Variants in CTNNA3 observed in about 807,000 individuals in gnomAD.
CTNNA3 encodes the protein catenin alpha-3.
Under a neutral mutation model 95.7 loss-of-function variants are expected in CTNNA3, and 76 were observed. The ratio of observed to expected loss-of-function variants is 0.79; its 90% CI spans 0.66 to 0.96. CTNNA3 has a LOEUF of 0.96. Ranked by LOEUF, CTNNA3 falls within the 40% of genes least tolerant of loss-of-function variation. CTNNA3 has a pLI of 0.00. For missense variants in CTNNA3, 1,191 were observed against 1,089.8 expected (o/e 1.09, Z -1.31); for synonymous variants, 431 against 374.4 (o/e 1.15, Z -1.74).
At chr10:67,088,754 CA>C (rs938853982) in intron 7 of CTNNA3, among the ~76,000 whole-genome samples, 1 of 151,786 alleles carries the variant, frequency 6.6e-6, no homozygotes, top group Non-Finnish European at 1.5e-5. Context: ...TATGTTCCTG[CA>C]AAAAATATTT....
At chr10:67,289,407 G>T (rs1337188529) in intron 5 of CTNNA3, among the ~76,000 whole-genome samples, 2 of 152,136 alleles carry the variant, frequency 1.3e-5, no homozygotes, top group Non-Finnish European at 2.9e-5. Context: ...ATTAAAAGAG[G>T]TATCATTTTT....
chr10:66,379,494 T>A (rs1043745480), intron 11 of CTNNA3, 142 bp from the exon 12 acceptor site: 17 of 715,750 alleles, frequency 2.4e-5, no homozygotes, highest in Non-Finnish European at 3.6e-5. Context: ...TATAAAAAAA[T>A]TGGAGACATA....
chr10:66,822,008 T>C (rs1019202002), intron 7 of CTNNA3, among the ~76,000 whole-genome samples: 1 of 151,540 alleles, frequency 6.6e-6, no homozygotes, highest in East Asian at 1.9e-4. Flanking sequence ...TTCCATACTA[T>C]GTAATTAACA....
At chr10:66,693,312 T>C (rs981637830) in intron 9 of CTNNA3, among the ~76,000 whole-genome samples, 15 of 146,762 alleles carry the variant, frequency 1.0e-4, no homozygotes, top group Non-Finnish European at 1.9e-4. Context: ...GTTGCAATCC[T>C]AGTCTCTGAT....
intron 12 of CTNNA3, among the ~76,000 whole-genome samples, chr10:66,362,540 A>C (rs1407453155): frequency 1.3e-5 from 2 of 151,818 alleles, no homozygotes; most frequent in Admixed American, 6.6e-5. Flanking sequence ...CTGAAACCCT[A>C]TCTCTACTAA....
At chr10:67,748,289 A>G (rs1438550406) in intron 1 of CTNNA3, among the ~76,000 whole-genome samples, 2 of 152,152 alleles carry the variant, frequency 1.3e-5, no homozygotes, top group African/African-American at 4.8e-5. Context: ...GATCACCCCA[A>G]GAAACATAAC....
intron 5 of CTNNA3, among the ~76,000 whole-genome samples, chr10:67,231,080 C>T (rs999153363): frequency 5.9e-5 from 9 of 152,198 alleles, no homozygotes; most frequent in South Asian, 2.1e-4. Flanking sequence ...AACTGCAAGG[C>T]GGCAGCGAGG....
intron 11 of CTNNA3, among the ~76,000 whole-genome samples, chr10:66,452,825 A>G (rs1418927111): frequency 6.6e-6 from 1 of 152,060 alleles, no homozygotes; most frequent in Non-Finnish European, 1.5e-5. Flanking sequence ...GACTCCATGC[A>G]AGAAGATAAG....
At chr10:66,445,928 A>C (rs1484679898) in intron 11 of CTNNA3, among the ~76,000 whole-genome samples, 1 of 152,138 alleles carries the variant, frequency 6.6e-6, no homozygotes, top group Non-Finnish European at 1.5e-5. Context: ...GACCGCTATC[A>C]AGGCTAAGAA....
rs1463563772 is a variant in CTNNA3 at position 66,749,691 on chromosome 10, G to A, written c.1281+16573C>T. ...TGAACATCCATGTGGAGGTTCTAGT[G>A]TGGACATAAGTTTTCAAATCCCTTG... On this transcript the variant is annotated intron_variant, in intron 9 of 17. Coordinates refer to ENST00000433211, the MANE Select transcript of CTNNA3 (RefSeq NM_013266.4). Among the ~76,000 whole-genome samples, 3 of 152,200 alleles carry A rather than the reference G, an allele frequency of 2.0e-5. No individual in the cohort carries two copies. The East Asian group carries it at 5.8e-4, about 29-fold the overall frequency.
At chr10:66,398,441 G>T (rs1385167779) in intron 11 of CTNNA3, among the ~76,000 whole-genome samples, 1 of 150,174 alleles carries the variant, frequency 6.7e-6, no homozygotes, top group Non-Finnish European at 1.5e-5. Context: ...TGTATCTATG[G>T]TATTGTATTT....
At chr10:66,292,581 TGC>T (rs1491123388) in intron 12 of CTNNA3, among the ~76,000 whole-genome samples, 14 of 152,148 alleles carry the variant, frequency 9.2e-5, no homozygotes, top group African/African-American at 2.9e-4. Context: ...GCCTCAATAG[TGC>T]ACACACAGTA....
At chr10:67,627,954 A>T (rs1839012280) in intron 2 of CTNNA3, among the ~76,000 whole-genome samples, 1 of 151,884 alleles carries the variant, frequency 6.6e-6, no homozygotes, top group Non-Finnish European at 1.5e-5. Context: ...AGAAAAAGCA[A>T]TTTCATATAG....
At chr10:66,543,898 GAT>G (rs1491413360) in intron 10 of CTNNA3, among the ~76,000 whole-genome samples, 2 of 5,262 alleles carry the variant, frequency 3.8e-4, no homozygotes, top group Non-Finnish European at 2.2e-3. Context: ...TCCTTCTTGA[GAT>G]GTGTGTGTGT....
intron 15 of CTNNA3, among the ~76,000 whole-genome samples, chr10:66,047,000 C>A (rs2079842311): frequency 6.6e-6 from 1 of 151,860 alleles, no homozygotes; most frequent in Non-Finnish European, 1.5e-5. Context: ...GCCTACCAAC[C>A]AAAAAAAGCC....
chr10:67,127,044 G>A (rs752081258), intron 7 of CTNNA3, among the ~76,000 whole-genome samples: 18 of 152,112 alleles, frequency 1.2e-4, no homozygotes, highest in Non-Finnish European at 2.1e-4. Context: ...GACAACTCAA[G>A]TGAGTAAACA....
intron 13 of CTNNA3, among the ~76,000 whole-genome samples, chr10:66,146,002 C>T (rs1273992128): frequency 3.9e-5 from 6 of 152,124 alleles, no homozygotes; most frequent in East Asian, 3.9e-4. Context: ...TATAGGCACG[C>T]GCCACCAAGC....
At chr10:67,563,477 A>G (rs893218708) in intron 3 of CTNNA3, among the ~76,000 whole-genome samples, 22 of 152,200 alleles carry the variant, frequency 1.4e-4, no homozygotes, top group African/African-American at 5.1e-4. Context: ...CTTACACCTT[A>G]TACAAAAATT....
chr10:66,705,563 C>T (rs1387741824), intron 9 of CTNNA3, among the ~76,000 whole-genome samples: 1 of 151,996 alleles, frequency 6.6e-6, no homozygotes, highest in African/African-American at 2.4e-5. Flanking sequence ...AAGTCATCTA[C>T]ATCCTTAACT....
Sources: allele counts gnomAD v4.1 joint callset (sites outside exome capture counted in the v4.1 genomes callset), GRCh38; gene constraint gnomAD v4.1.1; transcripts MANE v1.5; gene names NCBI Gene and HGNC (gene_info 2026-07-23, HGNC 2026-07-21).